The following SPDYE5 variants were observed in gnomAD, a reference collection of about 807,000 sequenced individuals.
The protein encoded by SPDYE5 is speedy protein E5.
SPDYE5 carries 15 observed loss-of-function variants against 48.5 expected under a neutral mutation model. The observed-to-expected ratio is 0.31, with a 90% CI of 0.21 to 0.48. The LOEUF (loss-of-function observed/expected upper bound fraction) is 0.48. SPDYE5 is among the 20% of genes least tolerant of loss of function. The probability of loss-of-function intolerance (pLI) is 0.99; values close to 1 mark genes in which losing one functional copy is unlikely to be tolerated. For synonymous variants in SPDYE5, 116 were observed against 200.7 expected (o/e 0.58, Z 3.57); for missense variants, 331 against 549.1 (o/e 0.60, Z 3.97).
At chr7:75,497,098 C>T (rs587693029) in intron 4 of SPDYE5, among the ~76,000 whole-genome samples, 194 bp downstream of exon 4, 4 of 151,896 alleles carry the variant, frequency 2.6e-5, no homozygotes, top group Admixed American at 6.6e-5. Context: ...TAAAGGTCAG[C>T]GCTTGGGATA....
At chr7:75,498,280 C>T (rs587632497) in intron 5 of SPDYE5, among the ~76,000 whole-genome samples, 2,363 of 151,852 alleles carry the variant, frequency 0.016, 31 homozygotes, top group Non-Finnish European at 0.021. Flanking sequence ...TGAACCACCA[C>T]GCCTGGCTAA....
chr7:75,492,788 T>TTAA (rs1364486836), intron 1 of SPDYE5, among the ~76,000 whole-genome samples: 1 of 149,208 alleles, frequency 6.7e-6, no homozygotes, highest in African/African-American at 2.6e-5. Flanking sequence ...GTAACTCTTT[T>TTAA]ATTTTTTATC....
At chr7:75,497,748 T>C (rs1792984591) in intron 4 of SPDYE5, among the ~76,000 whole-genome samples, 190 bp from the exon 5 acceptor site, 2 of 143,210 alleles carry the variant, frequency 1.4e-5, no homozygotes, top group Non-Finnish European at 3.1e-5. Flanking sequence ...CGGCCTCTTC[T>C]CAGGGGAGTC....
chr7:75,499,704 T>C (rs587715293), intron 6 of SPDYE5, among the ~76,000 whole-genome samples: 1 of 134,022 alleles, frequency 7.5e-6, no homozygotes, highest in East Asian at 2.2e-4. Flanking sequence ...GAGGTGGAGG[T>C]TGCAGTAAGC....
rs1218928073 is a variant in SPDYE5 at position 75,502,000 on chromosome 7, G to A, written c.*45+18G>A. The A allele has an allele frequency of 8.6e-6, 13 of 1,509,066 alleles. No individual in the cohort carries two copies. The highest frequency in any genetic ancestry group is 4.6e-5 in the South Asian group (4 of 86,096). 93.5% of individuals were successfully genotyped at this position (1,509,066 alleles called of 1,614,324 possible). A position where few individuals can be genotyped will look rare whatever the true frequency, so the allele number is the denominator to read the frequency against. ...GAGAGAAGGTACATCTGCATCCTCC[G>A]GGGTAAAGGCAGAATATTGGGGTCT... On this transcript the variant is annotated intron_variant, in intron 8 of 8. Transcript: ENST00000625065.
chr7:75,492,999 A>G (rs3973277), intron 1 of SPDYE5, among the ~76,000 whole-genome samples: 30 of 151,956 alleles, frequency 2.0e-4, no homozygotes, highest in African/African-American at 7.0e-4. Context: ...ATGGGCTCTT[A>G]CTATGTTGCC....
At chr7:75,494,891 C>T (rs1164323626) in intron 2 of SPDYE5, 1 of 1,424,358 alleles carries the variant, frequency 7.0e-7, no homozygotes, top group African/African-American at 1.4e-5. Context: ...TGTGTCAAAA[C>T]AAAACAAAAC....
At chr7:75,500,568 C>G (rs794365) in intron 6 of SPDYE5, among the ~76,000 whole-genome samples, 53,725 of 150,646 alleles carry the variant, frequency 0.36, 12,374 homozygotes, top group East Asian at 0.88. Context: ...CAGACTTCCC[C>G]TGTCCCCCAA....
chr7:75,494,152 C>T lies in SPDYE5; in HGVS notation c.105C>T (p.Ser35=). 1.3e-6 allele frequency: 2 copies of T among 1,535,260 alleles called. No individual in the cohort carries two copies. Among genetic ancestry groups the T allele is most frequent in the Non-Finnish European group, 1.7e-6 (2 of 1,146,818 alleles). ...QPQNEQSPQR[S]TSGYPLQEVV... is the part of the protein sequence containing the mutation. ...AGAATGAGCAGAGTCCCCAGCGGAG[C>T]ACCTCGGGGTACCCCCTCCAGGAGG... is the stretch of plus-strand genomic sequence containing the variant. Residue 35 remains serine, a synonymous_variant, in exon 2 of 9, where the codon AGC becomes AGT. Transcript: ENST00000625065.
In SPDYE5 at chr7:75,501,647, G is replaced by T. The variant is rs186486440; in HGVS notation, c.1041G>T (p.Leu347=). 975 of 1,613,572 alleles carry T rather than the reference G, an allele frequency of 6.0e-4. 2 individuals carry two copies. The highest frequency in any genetic ancestry group is 6.8e-4 in the Non-Finnish European group (804 of 1,179,952). ...RRFQLGRSMN[L]RARKNRSQIV... Reference sequence around the variant, plus strand: ...TCCAGTTAGGCCGTTCCATGAACCTGAGGGCCAGGAAGAACCGCTCTCAGA... The same window carrying T: ...TCCAGTTAGGCCGTTCCATGAACCTTAGGGCCAGGAAGAACCGCTCTCAGA... The change falls in exon 7 of 9, where the codon CTG becomes CTT. Residue 347 remains leucine (L), a synonymous_variant. Transcript: ENST00000625065.
chr7:75,492,217 GGAGA>G (rs751452183), upstream of SPDYE5, among the ~76,000 whole-genome samples: 11 of 152,124 alleles, frequency 7.2e-5, no homozygotes, highest in East Asian at 1.4e-3. Flanking sequence ...CTGTTAACTA[GGAGA>G]GAGAGAGCAA....
At chr7:75,493,119 C>G (rs1554481966) in intron 1 of SPDYE5, among the ~76,000 whole-genome samples, 2 of 152,058 alleles carry the variant, frequency 1.3e-5, no homozygotes, top group Non-Finnish European at 1.5e-5. Context: ...TCGACTTAGT[C>G]TTTTTGTACA....
rs1271672698 is a variant in SPDYE5, at chr7:75,503,159, G to A, written c.*372G>A. On this transcript the variant is annotated 3_prime_UTR_variant, in exon 9 of 9. Transcript: ENST00000625065. ...GGAACCTGGAGGTCCTGTTTCTTAT[G>A]GACTTGGTTACCACAGTCCAGAAGC... The A allele has an allele frequency of 1.7e-5, 7 of 423,638 alleles. No homozygotes were observed. Among genetic ancestry groups the A allele is most frequent in the Admixed American group, 1.1e-4 (4 of 38,062 alleles). 26.2% of individuals were successfully genotyped at this position (423,638 alleles called of 1,614,324 possible).
chr7:75,492,463 G>A (rs1384899710), intron 1 of SPDYE5, among the ~76,000 whole-genome samples, 22 bp downstream of exon 1: 2 of 152,098 alleles, frequency 1.3e-5, no homozygotes, highest in Non-Finnish European at 2.9e-5. Context: ...TTTTTGAGAT[G>A]GAGTTTTGCT....
intron 1 of SPDYE5, among the ~76,000 whole-genome samples, chr7:75,493,353 C>T (rs1792805754): frequency 6.6e-6 from 1 of 151,612 alleles, no homozygotes; most frequent in African/African-American, 2.4e-5. Flanking sequence ...GTCTCTTGGA[C>T]TCAAAATTGC....
intron 3 of SPDYE5, among the ~76,000 whole-genome samples, chr7:75,496,385 T>TCAACAA (rs1300121187): frequency 4.9e-5 from 4 of 82,350 alleles, no homozygotes; most frequent in African/African-American, 1.3e-4. Flanking sequence ...AGACTGTTTC[T>TCAACAA]CAACAACAAC....
chr7:75,501,402 A>C lies in SPDYE5; in HGVS notation c.796A>C (p.Lys266Gln). ...NDMEEDDEDS[K>Q]QNIFHFLYGK... is the part of the protein sequence containing the mutation. ...CATGGAGGAGGACGACGAGGACTCC[A>C]AACAAAACATCTTCCACTTCCTGTA... The change falls in exon 7 of 9, where the codon AAA becomes CAA. Residue 266 changes from lysine (K) to glutamine (Q), a missense_variant. Transcript: ENST00000625065. 1.9e-6 allele frequency: 3 copies of C among 1,612,596 alleles called. No individual in the cohort carries two copies. In the South Asian group the frequency reaches 3.3e-5, roughly 18 times the overall value.
intron 3 of SPDYE5, 79 bp from the exon 4 acceptor site, chr7:75,496,595 A>G (rs1435088534): frequency 6.3e-7 from 1 of 1,593,434 alleles, no homozygotes; most frequent in Non-Finnish European, 8.5e-7. Context: ...GAGGATGGAG[A>G]GTGGTTTGGG....
chr7:75,494,273 C>T (rs1269674819), intron 2 of SPDYE5, 66 bp downstream of exon 2: 172 of 1,521,760 alleles, frequency 1.1e-4, no homozygotes, highest in East Asian at 1.7e-4. Context: ...GGGCCAGGTG[C>T]GGTGGCTCAC....
Sources: allele counts gnomAD v4.1 joint callset (sites outside exome capture counted in the v4.1 genomes callset), GRCh38; gene constraint gnomAD v4.1.1; transcripts MANE v1.5; gene names NCBI Gene and HGNC (gene_info 2026-07-23, HGNC 2026-07-21).